The following TRABD2B variants were observed in gnomAD, a reference collection of about 807,000 sequenced individuals.
TRABD2B encodes TraB domain containing 2B.
A neutral mutation model predicts 40.1 loss-of-function variants in TRABD2B; 14 were observed. The observed-to-expected ratio is 0.35, with a 90% CI of 0.23 to 0.55. The LOEUF is 0.55. Ranked by LOEUF, TRABD2B falls within the 20% of genes least tolerant of loss-of-function variation. TRABD2B has a pLI of 0.90. For missense variants in TRABD2B, 541 were observed against 648.6 expected (o/e 0.83, Z 1.80); for synonymous variants, 263 against 277.0 (o/e 0.95, Z 0.50).
Position 47,988,113 on chromosome 1 carries a change from C to CA in TRABD2B, c.666+5920dup, listed in dbSNP as rs1056526681. Among the ~76,000 whole-genome samples the CA allele has an allele frequency of 7.2e-5, 11 of 152,208 alleles. 1 individual carries two copies. The highest frequency in any genetic ancestry group is 2.4e-4 in the African/African-American group (10 of 41,528). On this transcript the variant is annotated intron_variant, in intron 2 of 6. Coordinates refer to ENST00000606738, the MANE Select transcript of TRABD2B (RefSeq NM_001194986.2). ...ATAACACTGTGGGCTCCAGGGCTGC[C>CA]ACAGAGGCCCAGAGAGGGCTGGAGG...
intron 2 of TRABD2B, among the ~76,000 whole-genome samples, chr1:47,858,249 T>C (rs568684314): frequency 1.0e-5 from 1 of 97,028 alleles, no homozygotes; most frequent in South Asian, 3.1e-4. Flanking sequence ...TTTTATTTTA[T>C]TTTATTTTAT....
At position 47,880,523 on chromosome 1, in the gene TRABD2B, G is replaced by A. The variant is rs142966541; in HGVS notation, c.667-78904C>T. Among the ~76,000 whole-genome samples the A allele has an allele frequency of 8.5e-5, 13 of 152,292 alleles. No individual in the cohort carries two copies. In the East Asian group the frequency reaches 9.6e-4, roughly 11 times the overall value. ...GTCATATTGTGACACAGCATGGAAC[G>A]CGGATACCAGGTCAAAACAGGGGCT... On this transcript the variant is annotated intron_variant, in intron 2 of 6. Transcript: ENST00000606738.
chr1:47,967,336 A>AACACACACACACAC (rs56776440), intron 2 of TRABD2B, among the ~76,000 whole-genome samples: 6 of 147,278 alleles, frequency 4.1e-5, no homozygotes, highest in Non-Finnish European at 6.0e-5. Flanking sequence ...TAAGCAAGAA[A>AACACACACACACAC]ACACACACAC....
At chr1:47,950,410 A>G (rs977735716) in intron 2 of TRABD2B, among the ~76,000 whole-genome samples, 3 of 152,234 alleles carry the variant, frequency 2.0e-5, no homozygotes, top group African/African-American at 7.2e-5. Flanking sequence ...ACATACACAC[A>G]TCAGAAGAGA....
chr1:47,843,197 G>A (rs80308420), intron 2 of TRABD2B, among the ~76,000 whole-genome samples: 1 of 152,168 alleles, frequency 6.6e-6, no homozygotes, highest in East Asian at 1.9e-4. Flanking sequence ...GGAGCCACTG[G>A]AGGGTTTTAA....
At chr1:47,801,046 G>C (rs929673851) in intron 3 of TRABD2B, among the ~76,000 whole-genome samples, 11 of 152,274 alleles carry the variant, frequency 7.2e-5, no homozygotes, top group East Asian at 5.8e-4. Flanking sequence ...TCTACTTGCT[G>C]CCCGACCAGC....
intron 2 of TRABD2B, among the ~76,000 whole-genome samples, chr1:47,839,533 T>A (rs1645366203): frequency 6.6e-6 from 1 of 152,202 alleles, no homozygotes; most frequent in Admixed American, 6.5e-5. Context: ...TGGATCAACC[T>A]CCTCTCTGGA....
chr1:47,887,585 G>T (rs868560228), intron 2 of TRABD2B, among the ~76,000 whole-genome samples: 4 of 151,960 alleles, frequency 2.6e-5, no homozygotes, highest in Admixed American at 6.5e-5. Context: ...GGGGGCCGGC[G>T]GGGGGTGGGT....
rs1438427686 is a variant in TRABD2B, at chr1:47,958,490, G to A, written c.666+35544C>T. Among the ~76,000 whole-genome samples, 4 of 126,104 alleles carry A rather than the reference G, an allele frequency of 3.2e-5. No homozygotes were observed. The East Asian group carries it at 9.1e-4, about 29-fold the overall frequency. 82.7% of individuals were successfully genotyped at this position (126,104 alleles called of 152,430 possible). A position where few individuals can be genotyped will look rare whatever the true frequency, so the allele number is the denominator to read the frequency against. On this transcript the variant is annotated intron_variant, in intron 2 of 6. Coordinates refer to ENST00000606738, the MANE Select transcript of TRABD2B (RefSeq NM_001194986.2). ...ATCTCATGTGCAGAGACACACACAGGCTCAAAATAAAGGGATGGATGAAGA... is the reference window on the plus strand; with the variant it reads ...ATCTCATGTGCAGAGACACACACAGACTCAAAATAAAGGGATGGATGAAGA...
intron 2 of TRABD2B, among the ~76,000 whole-genome samples, chr1:47,902,020 C>A (rs563186577): frequency 6.6e-6 from 1 of 152,158 alleles, no homozygotes; most frequent in Non-Finnish European, 1.5e-5. Flanking sequence ...ACTCTTCTGC[C>A]CACTCCCCTA....
intron 2 of TRABD2B, among the ~76,000 whole-genome samples, chr1:47,828,246 C>T (rs1462721037): frequency 1.3e-5 from 2 of 152,150 alleles, no homozygotes; most frequent in East Asian, 1.9e-4. Flanking sequence ...GCAGCACTGT[C>T]CCCCTCGCTG....
At chr1:47,925,402 G>T (rs1156775452) in intron 2 of TRABD2B, among the ~76,000 whole-genome samples, 1 of 151,782 alleles carries the variant, frequency 6.6e-6, no homozygotes, top group South Asian at 2.1e-4. Context: ...AAATAATTCC[G>T]ATTAAGATTT....
chr1:47,941,674 G>A (rs1413915284), intron 2 of TRABD2B, among the ~76,000 whole-genome samples: 1 of 152,242 alleles, frequency 6.6e-6, no homozygotes, highest in African/African-American at 2.4e-5. Flanking sequence ...AAGGAGAGGT[G>A]TGAGAAGGTA....
chr1:47,859,366 T>C (rs1230661921), intron 2 of TRABD2B, among the ~76,000 whole-genome samples: 1 of 152,184 alleles, frequency 6.6e-6, no homozygotes, highest in Non-Finnish European at 1.5e-5. Context: ...TTGTGGTTCA[T>C]CTGAGCTCCA....
At position 47,766,646 on chromosome 1, in the gene TRABD2B, G is replaced by A. The variant is rs543507859; in HGVS notation, c.1350-540C>T. On this transcript the variant is annotated intron_variant, in intron 6 of 6. Coordinates refer to ENST00000606738, the MANE Select transcript of TRABD2B (RefSeq NM_001194986.2). ...ATCCTCATAACAAGCCTTCAAAATG[G>A]GTCTCATTGCTCCCTTTCCATGAAT... is the stretch of plus-strand genomic sequence containing the variant. Among the ~76,000 whole-genome samples, 6 of 152,222 alleles carry A rather than the reference G, an allele frequency of 3.9e-5. No homozygotes were observed. The East Asian group carries it at 1.2e-3, about 29-fold the overall frequency.
intron 6 of TRABD2B, among the ~76,000 whole-genome samples, chr1:47,767,144 C>T (rs1045823885): frequency 6.6e-6 from 1 of 152,310 alleles, no homozygotes; most frequent in African/African-American, 2.4e-5. Context: ...AGGAGGCTGA[C>T]AGGAGACCTG....
At chr1:47,853,254 G>A (rs1038686928) in intron 2 of TRABD2B, among the ~76,000 whole-genome samples, 1 of 152,120 alleles carries the variant, frequency 6.6e-6, no homozygotes, top group African/African-American at 2.4e-5. Context: ...CTGCAGCCTG[G>A]GGCCCAAACC....
intron 2 of TRABD2B, among the ~76,000 whole-genome samples, chr1:47,881,651 A>G (rs1644305673): frequency 6.6e-6 from 1 of 152,156 alleles, no homozygotes; most frequent in African/African-American, 2.4e-5. Context: ...GTATCCTCGT[A>G]AGTCTGTGGG....
At chr1:47,770,943 T>A (rs1296813446) in intron 6 of TRABD2B, among the ~76,000 whole-genome samples, 1 of 152,196 alleles carries the variant, frequency 6.6e-6, no homozygotes, top group Non-Finnish European at 1.5e-5. Context: ...ACGAGCATCA[T>A]CTCACATAAT....
Sources: gnomAD v4.1 joint callset for allele counts (sites outside exome capture counted in the v4.1 genomes callset) on GRCh38, gnomAD v4.1.1 for gene constraint, MANE v1.5 for transcripts, NCBI Gene and HGNC (gene_info 2026-07-23, HGNC 2026-07-21) for gene names.